MKNK1: variants seen among roughly 807,000 people sequenced by gnomAD.
The protein encoded by MKNK1 is MAP kinase-interacting serine/threonine-protein kinase 1.
MKNK1 carries 30 observed loss-of-function variants against 49.3 expected under a neutral mutation model. The observed-to-expected ratio is 0.61, with a 90% confidence interval of 0.46 to 0.83. The LOEUF (loss-of-function observed/expected upper bound fraction) is 0.83. Ranked by LOEUF, MKNK1 falls within the 40% of genes least tolerant of loss-of-function variation. The pLI, the probability that MKNK1 is intolerant of heterozygous loss-of-function variation, is 0.00. For synonymous variants in MKNK1, 176 were observed against 201.7 expected (o/e 0.87, Z 1.08); for missense variants, 423 against 524.7 (o/e 0.81, Z 1.89).
chr1:46,577,850 A>G (rs563632629), intron 4 of MKNK1, among the ~76,000 whole-genome samples: 1 of 152,368 alleles, frequency 6.6e-6, no homozygotes, highest in Non-Finnish European at 1.5e-5. Flanking sequence ...CGAGCCTGTG[A>G]GCAAATCTGC....
rs375246658 is a variant in MKNK1, at chr1:46,562,498, T to C, written c.804+151A>G. 29 of 886,034 alleles carry C rather than the reference T, an allele frequency of 3.3e-5. No individual in the cohort carries two copies. In the South Asian group the frequency reaches 5.2e-4, roughly 16 times the overall value. 54.9% of individuals were successfully genotyped at this position (886,034 alleles called of 1,614,324 possible). A position where few individuals can be genotyped will look rare whatever the true frequency, so the allele number is the denominator to read the frequency against. ...GCGGAGTGTCTGATTATCTCTATTT[T>C]ACCTTGTGGCCACCGTGACAGGAGC... On this transcript the variant is annotated intron_variant, in intron 10 of 12. Coordinates refer to ENST00000371945, the MANE Select transcript of MKNK1 (RefSeq NM_001135553.4).
chr1:46,573,733 CTT>C (rs541818729), intron 6 of MKNK1: 45 of 140,226 alleles, frequency 3.2e-4, no homozygotes, highest in Middle Eastern at 3.7e-3. Flanking sequence ...GCTTTACATA[CTT>C]TTTTTTTTTT....
chr1:46,571,429 C>G, intron 7 of MKNK1: 1 of 313,766 alleles, frequency 3.2e-6, no homozygotes, highest in Non-Finnish European at 6.2e-6. Context: ...GTAGTCCCAG[C>G]TACTTGGGAG....
In MKNK1 at chr1:46,583,342, A is replaced by AGGAG; in HGVS notation, c.-2-17_-2-14dup. On this transcript the variant is annotated splice_polypyrimidine_tract_variant and intron_variant, in intron 2 of 12. Coordinates refer to ENST00000371945, the MANE Select transcript of MKNK1 (RefSeq NM_001135553.4). ...CTACTGCCCATCTCTAGGAGATAAG[A>AGGAG]GGAGATGTAAGGGAAACATCACTGT... 1 of 1,588,710 alleles carries AGGAG rather than the reference A, an allele frequency of 6.3e-7. No homozygotes were observed. The highest frequency in any genetic ancestry group is 8.6e-7 in the Non-Finnish European group (1 of 1,157,448).
At chr1:46,587,654 C>T (rs1309045219) in intron 2 of MKNK1, among the ~76,000 whole-genome samples, 2 of 152,040 alleles carry the variant, frequency 1.3e-5, no homozygotes, top group East Asian at 3.9e-4. Flanking sequence ...CTCGTCTCTA[C>T]TAAAAGTACA....
intron 9 of MKNK1, among the ~76,000 whole-genome samples, chr1:46,564,292 G>C (rs1000507172): frequency 6.6e-6 from 1 of 151,672 alleles, no homozygotes; most frequent in East Asian, 1.9e-4. Flanking sequence ...ATCCTGTCCA[G>C]TCAGGGAGAA....
At chr1:46,594,983 C>G (rs61783125) in intron 1 of MKNK1, 7,928 of 219,178 alleles carry the variant, frequency 0.036, 199 homozygotes, top group African/African-American at 0.056. Context: ...CGAGGCACTC[C>G]TCTGCTATCC....
intron 7 of MKNK1, chr1:46,571,416 C>T: frequency 3.2e-6 from 1 of 310,390 alleles, no homozygotes. Context: ...GTGGCACACA[C>T]CTGTAGTCCC....
intron 12 of MKNK1, 66 bp downstream of exon 12, chr1:46,560,167 GC>G (rs3831020): frequency 0.18 from 289,133 of 1,577,720 alleles, 28,188 homozygotes; most frequent in South Asian, 0.31. Context: ...GGCTCCCCCG[GC>G]CCCCACCCCC....
chr1:46,558,471 C>A lies in MKNK1; in HGVS notation c.*104G>T, dbSNP rs1297111588. 2.5e-6 allele frequency: 3 copies of A among 1,180,166 alleles called. No homozygotes were observed. The highest frequency in any genetic ancestry group is 1.5e-5 in the African/African-American group (1 of 64,564). 73.1% of individuals were successfully genotyped at this position (1,180,166 alleles called of 1,614,324 possible). ...GTAGATGAAAAAGCCTGAATGGAGC[C>A]ACAGAGCAGAGGCTGCTGCCTGCTC... On this transcript the variant is annotated 3_prime_UTR_variant, in exon 13 of 13. Coordinates refer to ENST00000371945, the MANE Select transcript of MKNK1 (RefSeq NM_001135553.4).
At position 46,575,008 on chromosome 1, in the gene MKNK1, C is replaced by T; in HGVS notation, c.291G>A (p.Glu97=). 1 of 1,611,714 alleles carries T rather than the reference C, an allele frequency of 6.2e-7. No individual in the cohort carries two copies. The highest frequency in any genetic ancestry group is 8.5e-7 in the Non-Finnish European group (1 of 1,178,482). Reference sequence around the variant, plus strand: ...TGTCATCTTCAAAGAACTCAATCAGCTCCAAAATGTTCCTTAAATAGGGAA... The same window carrying T: ...TGTCATCTTCAAAGAACTCAATCAGTTCCAAAATGTTCCTTAAATAGGGAA... The part of the protein sequence containing the change: ...YQCQGNKNIL[E]LIEFFEDDTR... Residue 97 remains glutamate, a synonymous_variant, in exon 6 of 13, where the codon GAG becomes GAA. Coordinates refer to ENST00000371945, the MANE Select transcript of MKNK1 (RefSeq NM_001135553.4).
intron 10 of MKNK1, among the ~76,000 whole-genome samples, chr1:46,562,123 C>T (rs1379745103): frequency 6.6e-6 from 1 of 152,000 alleles, no homozygotes; most frequent in South Asian, 2.1e-4. Flanking sequence ...GGGCTGGGCG[C>T]GGTGGCTCAC....
intron 8 of MKNK1, 62 bp from the exon 9 acceptor site, chr1:46,565,198 G>C: frequency 6.8e-7 from 1 of 1,473,538 alleles, no homozygotes; most frequent in Non-Finnish European, 9.5e-7. Context: ...AGAGGAGCCA[G>C]GCATGGCTGT....
chr1:46,581,316 T>C (rs965081106), intron 3 of MKNK1, among the ~76,000 whole-genome samples: 1 of 151,784 alleles, frequency 6.6e-6, no homozygotes, highest in Non-Finnish European at 1.5e-5. Context: ...ATCGAGACCA[T>C]CCTGGCCAAT....
chr1:46,570,737 G>A (rs1669976380), intron 7 of MKNK1, among the ~76,000 whole-genome samples: 3 of 152,214 alleles, frequency 2.0e-5, no homozygotes, highest in African/African-American at 7.2e-5. Context: ...TTAATATTAG[G>A]AATAAAAATG....
intron 6 of MKNK1, 109 bp downstream of exon 6, chr1:46,574,838 C>T (rs1207791168): frequency 2.7e-6 from 2 of 738,842 alleles, no homozygotes; most frequent in African/African-American, 1.8e-5. Flanking sequence ...TTAAGTCCTT[C>T]ATCCTTTTTA....
chr1:46,601,505 G>C (rs1674726997), intron 1 of MKNK1, among the ~76,000 whole-genome samples: 1 of 152,200 alleles, frequency 6.6e-6, no homozygotes, highest in Admixed American at 6.5e-5. Flanking sequence ...AATACACCCA[G>C]TGCAGGTCTC....
chr1:46,575,169 G>A (rs960703051), intron 5 of MKNK1, 149 bp from the exon 6 acceptor site: 46 of 585,256 alleles, frequency 7.9e-5, no homozygotes, highest in Admixed American at 1.3e-4. Context: ...TTAAAGACCC[G>A]CGTATGGAAG....
intron 9 of MKNK1, chr1:46,563,689 T>C (rs1668446925): frequency 6.6e-6 from 1 of 152,178 alleles, no homozygotes; most frequent in East Asian, 1.9e-4. Flanking sequence ...TTCCTGATAA[T>C]GTTGTTTAGA....
Sources: allele counts gnomAD v4.1 joint callset (sites outside exome capture counted in the v4.1 genomes callset), GRCh38; gene constraint gnomAD v4.1.1; transcripts MANE v1.5; gene names NCBI Gene and HGNC (gene_info 2026-07-23, HGNC 2026-07-21).